The following ASTN2 variants were observed in gnomAD, a reference collection of about 807,000 sequenced individuals.
The protein encoded by ASTN2 is astrotactin 2, also known as astrotactin-2.
ASTN2 carries 54 observed loss-of-function variants against 139.8 expected under a neutral mutation model. The observed-to-expected ratio is 0.39, with a 90% CI of 0.31 to 0.48. The LOEUF (loss-of-function observed/expected upper bound fraction) is 0.48. Ranked by LOEUF, ASTN2 falls within the 20% of genes least tolerant of loss-of-function variation. The probability of loss-of-function intolerance (pLI) is 0.95; values close to 1 mark genes in which losing one functional copy is unlikely to be tolerated. For missense variants in ASTN2, 1,565 were observed against 1,725.1 expected (o/e 0.91, Z 1.64); for synonymous variants, 756 against 719.5 (o/e 1.05, Z -0.81).
intron 10 of ASTN2, among the ~76,000 whole-genome samples, chr9:116,952,217 T>C (rs1835582593): frequency 6.6e-6 from 1 of 152,208 alleles, no homozygotes. Context: ...TGAATAGTAA[T>C]GCATGGGGTA....
At chr9:116,771,094 A>T (rs1343814938) in intron 13 of ASTN2, among the ~76,000 whole-genome samples, 2 of 152,296 alleles carry the variant, frequency 1.3e-5, no homozygotes, top group South Asian at 4.1e-4. Context: ...TCCTTGCCTA[A>T]CAACCATTTA....
intron 2 of ASTN2, among the ~76,000 whole-genome samples, chr9:117,223,494 C>T (rs1297176294): frequency 6.6e-6 from 1 of 152,148 alleles, no homozygotes; most frequent in Non-Finnish European, 1.5e-5. Context: ...GATAGGAAGA[C>T]TTGTGTCTAT....
intron 10 of ASTN2, among the ~76,000 whole-genome samples, chr9:116,872,932 T>A (rs1178184898): frequency 6.6e-6 from 1 of 152,110 alleles, no homozygotes; most frequent in Non-Finnish European, 1.5e-5. Context: ...GATTCCTGTG[T>A]GCCAGGCCAT....
intron 2 of ASTN2, among the ~76,000 whole-genome samples, chr9:117,229,076 G>C (rs1307067542): frequency 6.6e-6 from 1 of 152,136 alleles, no homozygotes; most frequent in Non-Finnish European, 1.5e-5. Flanking sequence ...CCAGGTAGTA[G>C]AGATAATTGC....
chr9:116,721,722 G>A lies in ASTN2; in HGVS notation c.2806+4049C>T, dbSNP rs539381835. On this transcript the variant is annotated intron_variant, in intron 16 of 22. Coordinates refer to ENST00000313400, the MANE Select transcript of ASTN2 (RefSeq NM_001365068.1). ...TAGATTCTACCTTATTGACCTGTTC[G>A]GTGTTCCAGTCCCCTACGGACTACT... Among the ~76,000 whole-genome samples, 6 of 152,200 alleles carry A rather than the reference G, an allele frequency of 3.9e-5. No homozygotes were observed. In the South Asian group the frequency reaches 1.0e-3, roughly 26 times the overall value.
intron 1 of ASTN2, among the ~76,000 whole-genome samples, chr9:117,305,941 C>CACAAATA (rs1834988428): frequency 6.6e-6 from 1 of 152,206 alleles, no homozygotes. Flanking sequence ...TGCGGTGCTA[C>CACAAATA]ACAAATAAAT....
intron 1 of ASTN2, among the ~76,000 whole-genome samples, chr9:117,405,893 C>G (rs987269816): frequency 6.6e-6 from 1 of 152,162 alleles, no homozygotes; most frequent in Non-Finnish European, 1.5e-5. Flanking sequence ...ATTAGCCATC[C>G]TGCAATCACC....
rs1057522634 is a variant in ASTN2 at position 116,698,810 on chromosome 9, C to T, written c.2806+26961G>A. 4 of 1,614,096 alleles carry T rather than the reference C, an allele frequency of 2.5e-6. No homozygotes were observed. The East Asian group carries it at 8.9e-5, about 36-fold the overall frequency. On this transcript the variant is annotated intron_variant, in intron 16 of 22. Coordinates refer to ENST00000313400, the MANE Select transcript of ASTN2 (RefSeq NM_001365068.1). This position sits in a 1 kb window ranked among gnomAD's most constrained non-coding sequence, Gnocchi z 4.4. ...CAGCCTCCAATATCCAGCAGTGCCT[C>T]TTTCTCAAGAAGATGGGGGCCAAAG...
chr9:117,087,146 C>T (rs1393478686), intron 5 of ASTN2, among the ~76,000 whole-genome samples: 1 of 152,186 alleles, frequency 6.6e-6, no homozygotes, highest in African/African-American at 2.4e-5. Flanking sequence ...CCCCAAGGGG[C>T]TAGGCCTACA....
In ASTN2 at chr9:117,195,624, G is replaced by C. The variant is rs527939388; in HGVS notation, c.1015+18734C>G. 3.9e-5 allele frequency among the ~76,000 whole-genome samples: 6 copies of C among 152,274 alleles called. No homozygotes were observed. The South Asian group carries it at 8.3e-4, about 21-fold the overall frequency. ...GCGAGGAGTCTGGAAACTTAGGCTA[G>C]AGCCTCATTGTGAAGAAGCTTGAAC... On this transcript the variant is annotated intron_variant, in intron 3 of 22. Transcript: ENST00000313400.
intron 2 of ASTN2, among the ~76,000 whole-genome samples, chr9:117,284,106 A>G (rs1205254109): frequency 6.6e-6 from 1 of 152,152 alleles, no homozygotes. Context: ...GGGTATTTAT[A>G]AAGGCAATCA....
intron 10 of ASTN2, among the ~76,000 whole-genome samples, chr9:116,973,295 A>T (rs574583205): frequency 6.6e-6 from 1 of 152,312 alleles, no homozygotes; most frequent in African/African-American, 2.4e-5. Flanking sequence ...AAAATGATCG[A>T]TGATATGAAC....
At chr9:116,984,574 C>T (rs1332879322) in intron 7 of ASTN2, among the ~76,000 whole-genome samples, 3 of 152,110 alleles carry the variant, frequency 2.0e-5, no homozygotes, top group Non-Finnish European at 4.4e-5. Flanking sequence ...ACTCAGAGAT[C>T]CCACTCAAGC....
chr9:116,744,619 G>A (rs370217882), intron 13 of ASTN2, among the ~76,000 whole-genome samples: 1 of 152,126 alleles, frequency 6.6e-6, no homozygotes, highest in East Asian at 1.9e-4. Flanking sequence ...ACTGCACGTG[G>A]TGGGGAGTAA....
chr9:116,665,420 G>A (rs1330411070), intron 16 of ASTN2, among the ~76,000 whole-genome samples: 1 of 152,056 alleles, frequency 6.6e-6, no homozygotes, highest in Non-Finnish European at 1.5e-5. Flanking sequence ...AATTTCAGTT[G>A]GAAATCATAA....
intron 19 of ASTN2, among the ~76,000 whole-genome samples, chr9:116,572,015 C>G (rs1853539226): frequency 6.6e-6 from 1 of 152,044 alleles, no homozygotes. Flanking sequence ...AGTCTGCACC[C>G]TATATGATTT....
chr9:116,871,270 T>TA (rs1313938433), intron 10 of ASTN2, among the ~76,000 whole-genome samples: 4 of 151,920 alleles, frequency 2.6e-5, no homozygotes, highest in Non-Finnish European at 4.4e-5. Flanking sequence ...AATAAATAAA[T>TA]AAATAAAATA....
intron 4 of ASTN2, among the ~76,000 whole-genome samples, chr9:117,134,418 G>A (rs1233751345): frequency 6.6e-6 from 1 of 151,344 alleles, no homozygotes; most frequent in Admixed American, 6.6e-5. Context: ...GGATAAAGGA[G>A]CCAGAATTTG....
intron 11 of ASTN2, among the ~76,000 whole-genome samples, chr9:116,853,791 C>T (rs750550592): frequency 4.6e-5 from 7 of 152,160 alleles, no homozygotes; most frequent in Non-Finnish European, 1.0e-4. Flanking sequence ...AATCATGAAA[C>T]ACTAATACAA....
Sources: gnomAD v4.1 joint callset for allele counts (sites outside exome capture counted in the v4.1 genomes callset) on GRCh38, gnomAD v4.1.1 for gene constraint, Gnocchi (gnomAD v3.1) non-coding constraint, MANE v1.5 for transcripts, NCBI Gene and HGNC (gene_info 2026-07-23, HGNC 2026-07-21) for gene names.